The following STK32A variants were observed in gnomAD, a reference collection of about 807,000 sequenced individuals.
The protein encoded by STK32A is serine/threonine-protein kinase 32A.
Under a neutral mutation model 53.2 loss-of-function variants are expected in STK32A, and 41 were observed. That is an observed-to-expected ratio of 0.77 (90% CI 0.60 to 1.00). The LOEUF (loss-of-function observed/expected upper bound fraction) is 1.00, where lower values mean the gene tolerates loss of function less well. Among genes scored for constraint, STK32A ranks in the 50% least tolerant of loss-of-function variants. The pLI is 0.00. For synonymous variants in STK32A, 166 were observed against 162.8 expected, an observed-to-expected ratio of 1.02 and a Z score of -0.15; for missense variants, 458 against 485.8, an observed-to-expected ratio of 0.94 and a Z score of 0.54.
chr5:147,395,639 G>T, the STK32A span: 3 of 1,614,132 alleles, frequency 1.9e-6, no homozygotes, highest in African/African-American at 2.7e-5. Context: ...AGAGCCTGCG[G>T]GGGTGCCACC....
At chr5:147,397,837 C>T in the STK32A span, 3 of 1,604,014 alleles carry the variant, frequency 1.9e-6, no homozygotes, top group African/African-American at 4.0e-5. Flanking sequence ...AGATGTTGTA[C>T]TCTGCCGCCT....
At chr5:147,257,883 T>C (rs1757509526) in intron 2 of STK32A, among the ~76,000 whole-genome samples, 1 of 152,276 alleles carries the variant, frequency 6.6e-6, no homozygotes, top group Non-Finnish European at 1.5e-5. Context: ...TTGTTTTAAA[T>C]GTGGGGACAT....
At chr5:147,382,050 T>A (rs1757474149) in intron 11 of STK32A, among the ~76,000 whole-genome samples, 1 of 143,202 alleles carries the variant, frequency 7.0e-6, no homozygotes. Context: ...AAAGCCATCC[T>A]GAGGCACATG....
chr5:147,272,688 T>A (rs1755092433), intron 2 of STK32A, among the ~76,000 whole-genome samples: 1 of 152,234 alleles, frequency 6.6e-6, no homozygotes, highest in South Asian at 2.1e-4. Context: ...GAAGATAGCT[T>A]AGTTTTCACT....
chr5:147,260,254 CCTCTCTCTCCCTCTCCCCTCT>C (rs1189567794), intron 2 of STK32A, among the ~76,000 whole-genome samples: 31 of 129,914 alleles, frequency 2.4e-4, no homozygotes, highest in African/African-American at 8.3e-4. Context: ...CTCTCTCTCT[CCTCTCTCTCCCTCTCCCCTCT>C]CTGTCTCTCT....
intron 4 of STK32A, among the ~76,000 whole-genome samples, chr5:147,281,805 A>G (rs1752077761): frequency 6.6e-6 from 1 of 152,206 alleles, no homozygotes; most frequent in African/African-American, 2.4e-5. Flanking sequence ...GCACACTGTC[A>G]TCAGATTATC....
intron 2 of STK32A, among the ~76,000 whole-genome samples, chr5:147,275,357 T>A (rs1463168908): frequency 1.0e-5 from 1 of 96,048 alleles, no homozygotes; most frequent in Admixed American, 1.1e-4. Context: ...AGAAAGGATC[T>A]CACCCTGTTG....
At chr5:147,400,569 C>G in the STK32A span, 1 of 1,337,038 alleles carries the variant, frequency 7.5e-7, no homozygotes, top group Non-Finnish European at 1.0e-6. Context: ...CCAGAGACAT[C>G]TCAGCAAGTA....
At chr5:147,308,351 A>G (rs1582611) in intron 4 of STK32A, among the ~76,000 whole-genome samples, 97,280 of 151,836 alleles carry the variant, frequency 0.64, 31,622 homozygotes, top group African/African-American at 0.74. Context: ...TGCTAGTTTG[A>G]TGCTTATATA....
intron 11 of STK32A, chr5:147,375,431 T>C: frequency 2.2e-6 from 1 of 453,570 alleles, no homozygotes; most frequent in Non-Finnish European, 3.8e-6. Flanking sequence ...CCGTCTAGAG[T>C]TCTGCCATTA....
rs1428142009 is a variant in STK32A at position 147,386,962 on chromosome 5, C to T, written c.*2979C>T. The T allele has an allele frequency of 6.6e-6, 1 of 152,226 alleles. No individual in the cohort carries two copies. Among genetic ancestry groups the T allele is most frequent in the South Asian group, 2.1e-4 (1 of 4,832 alleles). The allele number at this position is 152,226 out of a possible 1,614,324, so 9.4% of individuals were successfully genotyped here. On this transcript the variant is annotated 3_prime_UTR_variant, in exon 13 of 13. Coordinates refer to ENST00000397936, the MANE Select transcript of STK32A (RefSeq NM_001112724.2). ...TAATATCCCACTAGGTGGAACATGTCTCTTCCGGAGTTGTGACAACCGAGG... is the reference window on the plus strand; with the variant it reads ...TAATATCCCACTAGGTGGAACATGTTTCTTCCGGAGTTGTGACAACCGAGG...
At chr5:147,326,490 C>T (rs1754595004) in intron 5 of STK32A, among the ~76,000 whole-genome samples, 1 of 152,180 alleles carries the variant, frequency 6.6e-6, no homozygotes, top group South Asian at 2.1e-4. Context: ...GGCTGTCATA[C>T]CCTTTTGTAC....
At chr5:147,252,639 AT>A (rs1206615337) in intron 2 of STK32A, among the ~76,000 whole-genome samples, 1 of 152,230 alleles carries the variant, frequency 6.6e-6, no homozygotes, top group Non-Finnish European at 1.5e-5. Context: ...TAGAAAGCTC[AT>A]AAAATAAAAA....
At chr5:147,357,911 A>T (rs1262607169) in intron 7 of STK32A, among the ~76,000 whole-genome samples, 2 of 152,102 alleles carry the variant, frequency 1.3e-5, no homozygotes, top group Admixed American at 1.3e-4. Context: ...TAATATCTAT[A>T]TTCTGTAGAT....
intron 4 of STK32A, among the ~76,000 whole-genome samples, chr5:147,280,085 G>A (rs1291957607): frequency 2.6e-5 from 4 of 152,176 alleles, no homozygotes. Flanking sequence ...TACACGGGGA[G>A]AAGAAGCAGC....
chr5:147,239,481 A>G lies in STK32A; in HGVS notation c.-96-58A>G, dbSNP rs1580970624. The G allele has an allele frequency of 5.0e-5, 30 of 604,732 alleles. No individual in the cohort carries two copies. The East Asian group carries it at 8.8e-4, about 18-fold the overall frequency. 37.5% of individuals were successfully genotyped at this position (604,732 alleles called of 1,614,324 possible). On this transcript the variant is annotated intron_variant, in intron 1 of 12. Transcript: ENST00000397936. ...GGTTTATGTTTCCGCCACAGTCTAT[A>G]CTCAGGGTGCCTAGAGTATAGCATA...
chr5:147,282,488 T>C (rs1752111880), intron 4 of STK32A, among the ~76,000 whole-genome samples: 1 of 152,098 alleles, frequency 6.6e-6, no homozygotes, highest in African/African-American at 2.4e-5. Flanking sequence ...ACTTAAAAGA[T>C]ACAGAATCAC....
intron 4 of STK32A, among the ~76,000 whole-genome samples, chr5:147,323,650 G>T (rs1056130493): frequency 6.6e-5 from 10 of 152,158 alleles, no homozygotes; most frequent in African/African-American, 2.4e-4. Context: ...TGTATGTCAA[G>T]CATGACAATA....
rs572285972 is a variant in STK32A, at chr5:147,329,139, AAAG to A, written c.434+5073_434+5075del. Among the ~76,000 whole-genome samples the A allele has an allele frequency of 7.2e-5, 11 of 152,336 alleles. 1 individual carries two copies. Among genetic ancestry groups the A allele is most frequent in the South Asian group, 4.1e-4 (2 of 4,828 alleles). ...AGTACCGAAATGTTGAAGAGAAATAAAAGAAGATTTATGGCTGTGTAGAAAAAC... is the reference window on the plus strand; with the variant it reads ...AGTACCGAAATGTTGAAGAGAAATAAAAGATTTATGGCTGTGTAGAAAAAC... On this transcript the variant is annotated intron_variant, in intron 5 of 12. Coordinates refer to ENST00000397936, the MANE Select transcript of STK32A (RefSeq NM_001112724.2).
Sources: allele counts gnomAD v4.1 joint callset (sites outside exome capture counted in the v4.1 genomes callset), GRCh38; gene constraint gnomAD v4.1.1; transcripts MANE v1.5; gene names NCBI Gene and HGNC (gene_info 2026-07-23, HGNC 2026-07-21).